Variants in DPY19L4 observed in about 807,000 individuals in gnomAD.
The protein encoded by DPY19L4 is probable C-mannosyltransferase DPY19L4.
A neutral mutation model predicts 102.8 loss-of-function variants in DPY19L4; 97 were observed. That is an observed-to-expected ratio of 0.94 (90% CI 0.80 to 1.12). The LOEUF is 1.12. Ranked by LOEUF, DPY19L4 falls within the 50% of genes most tolerant of loss-of-function variation. The probability of loss-of-function intolerance (pLI) is 0.00; values close to 1 mark genes in which losing one functional copy is unlikely to be tolerated. For synonymous variants in DPY19L4, 252 were observed against 283.1 expected, an observed-to-expected ratio of 0.89 and a Z score of 1.10; for missense variants, 815 against 850.4, an observed-to-expected ratio of 0.96 and a Z score of 0.52.
At chr8:94,745,760 AT>A (rs900155477) in intron 6 of DPY19L4, among the ~76,000 whole-genome samples, 331 of 149,428 alleles carry the variant, frequency 2.2e-3, no homozygotes, top group African/African-American at 7.5e-3. Context: ...TTTGTAATAA[AT>A]TTTTTTTTTT....
chr8:94,777,923 C>A, intron 14 of DPY19L4, 137 bp downstream of exon 14: 1 of 1,125,372 alleles, frequency 8.9e-7, no homozygotes, highest in Non-Finnish European at 1.2e-6. Context: ...AGATCCTGCG[C>A]AAAACATTTT....
intron 6 of DPY19L4, among the ~76,000 whole-genome samples, chr8:94,752,158 T>C (rs974809431): frequency 2.6e-5 from 4 of 152,170 alleles, no homozygotes; most frequent in East Asian, 1.9e-4. Context: ...TATTTTTCTA[T>C]CAAAATTGTG....
intron 11 of DPY19L4, 111 bp from the exon 12 acceptor site, chr8:94,768,284 C>T (rs1812764943): frequency 8.9e-6 from 7 of 783,564 alleles, no homozygotes; most frequent in South Asian, 3.5e-5. Context: ...TATAAGTAAA[C>T]GGGTTTAGGA....
At chr8:94,753,852 G>A (rs894398945) in intron 6 of DPY19L4, among the ~76,000 whole-genome samples, 1 of 151,986 alleles carries the variant, frequency 6.6e-6, no homozygotes, top group Non-Finnish European at 1.5e-5. Context: ...CAGCCTGGGC[G>A]ACAGAGCAAG....
intron 3 of DPY19L4, among the ~76,000 whole-genome samples, chr8:94,737,610 C>T (rs1265242422): frequency 2.0e-5 from 3 of 151,638 alleles, no homozygotes; most frequent in Admixed American, 6.6e-5. Context: ...GGTGAAACCC[C>T]GTCTCTACTA....
Position 94,734,750 on chromosome 8 carries a change from G to A in DPY19L4, c.248G>A (p.Arg83Lys). Residue 83 changes from arginine to lysine, a missense_variant, in exon 3 of 19, where the codon AGG becomes AAG. Physicochemically the swap from Arg to Lys is conservative, Grantham distance 26 (BLOSUM62 2). Transcript: ENST00000414645. ...GAACGGAAATTCTGGTTTTCCAACA[G>A]GCAGGTAAGAAGAAAGAATTTTGAG... ...YHERKFWFSN[R>K]QELEREITFQ... 6.2e-7 allele frequency: 1 copy of A among 1,613,576 alleles called. No homozygotes were observed.
At chr8:94,765,441 T>C in intron 9 of DPY19L4, 127 bp downstream of exon 9, 1 of 877,782 alleles carries the variant, frequency 1.1e-6, no homozygotes, top group Non-Finnish European at 1.7e-6. Context: ...GTTCAAGTGA[T>C]TCTCCTGCCT....
At chr8:94,763,847 T>C (rs1812510776) in intron 8 of DPY19L4, among the ~76,000 whole-genome samples, 1 of 152,122 alleles carries the variant, frequency 6.6e-6, no homozygotes, top group Non-Finnish European at 1.5e-5. Flanking sequence ...TTTTCTGTTT[T>C]TCACAGAGAT....
chr8:94,730,004 A>G (rs1810874990), intron 2 of DPY19L4, among the ~76,000 whole-genome samples: 1 of 152,118 alleles, frequency 6.6e-6, no homozygotes, highest in South Asian at 2.1e-4. Flanking sequence ...CTGCATCCAT[A>G]ATTTCAGTAG....
chr8:94,748,621 AATGATGATGATGATGACGATG>A (rs373395664), intron 6 of DPY19L4, among the ~76,000 whole-genome samples: 3,646 of 151,690 alleles, frequency 0.024, 72 homozygotes, highest in Non-Finnish European at 0.04. Flanking sequence ...CAGCAGTGAC[AATGATGATGATGATGACGATG>A]ATGATGATGA....
At chr8:94,783,527 T>TGAATG in intron 16 of DPY19L4, 143 bp from the exon 17 acceptor site, 3 of 1,197,636 alleles carry the variant, frequency 2.5e-6, no homozygotes, top group Non-Finnish European at 3.4e-6. Flanking sequence ...AATGAATCCA[T>TGAATG]GAATGAAATG....
intron 6 of DPY19L4, among the ~76,000 whole-genome samples, chr8:94,747,349 G>A (rs1292066876): frequency 1.3e-5 from 2 of 152,016 alleles, no homozygotes; most frequent in South Asian, 2.1e-4. Flanking sequence ...CACTGTGCCT[G>A]GGTGATTGTT....
rs1177283994 is a variant in DPY19L4 at position 94,790,577 on chromosome 8, TAGTA to T, written c.*671_*674del. The T allele has an allele frequency of 6.6e-6, 1 of 152,238 alleles. No homozygotes were observed. Among genetic ancestry groups the T allele is most frequent in the African/African-American group, 2.4e-5 (1 of 41,466 alleles). 9.4% of individuals were successfully genotyped at this position (152,238 alleles called of 1,614,324 possible). ...GATGTTACTGCATTTTCTAAATGAC[TAGTA>T]AGTGATTAGTTTTTTCACTTATGCC... On this transcript the variant is annotated 3_prime_UTR_variant, in exon 19 of 19. Coordinates refer to ENST00000414645, the MANE Select transcript of DPY19L4 (RefSeq NM_181787.3).
intron 3 of DPY19L4, 84 bp downstream of exon 3, chr8:94,734,838 C>G: frequency 6.4e-7 from 1 of 1,567,648 alleles, no homozygotes; most frequent in Admixed American, 1.9e-5. Flanking sequence ...CAAGTGCTGT[C>G]TTATTTATGG....
chr8:94,719,960 G>A lies in DPY19L4; in HGVS notation c.-39G>A. The A allele has an allele frequency of 6.6e-7, 1 of 1,505,798 alleles. No homozygotes were observed. Among genetic ancestry groups the A allele is most frequent in the Admixed American group, 2.2e-5 (1 of 45,488 alleles). The allele number at this position is 1,505,798 out of a possible 1,614,324, so 93.3% of individuals were successfully genotyped here. A position where few individuals can be genotyped will look rare whatever the true frequency, so the allele number is the denominator to read the frequency against. On this transcript the variant is annotated 5_prime_UTR_variant, in exon 1 of 19. Transcript: ENST00000414645. ...CGCGGAGGGAGGGAGAGTCTGGGCCGCGCGGGAGCCGCAGGGCGCCCTAGC... is the reference window on the plus strand; with the variant it reads ...CGCGGAGGGAGGGAGAGTCTGGGCCACGCGGGAGCCGCAGGGCGCCCTAGC...
At chr8:94,745,805 AG>A (rs1396056146) in intron 6 of DPY19L4, among the ~76,000 whole-genome samples, 5 of 152,096 alleles carry the variant, frequency 3.3e-5, no homozygotes, top group African/African-American at 1.2e-4. Flanking sequence ...CACAGGCTAG[AG>A]TGCAATAATG....
chr8:94,788,638 C>T (rs1221532927), intron 18 of DPY19L4, among the ~76,000 whole-genome samples: 4 of 82,180 alleles, frequency 4.9e-5, no homozygotes, highest in Non-Finnish European at 1.1e-4. Context: ...CTAAGACTGA[C>T]GCACGCGCGC....
intron 7 of DPY19L4, among the ~76,000 whole-genome samples, 191 bp downstream of exon 7, chr8:94,756,350 A>G (rs913480413): frequency 6.6e-6 from 1 of 152,246 alleles, no homozygotes; most frequent in Non-Finnish European, 1.5e-5. Context: ...ATTAACAGTA[A>G]ATTAGGAGAA....
At chr8:94,765,382 T>C in intron 9 of DPY19L4, 68 bp downstream of exon 9, 2 of 1,463,218 alleles carry the variant, frequency 1.4e-6, no homozygotes, top group Non-Finnish European at 1.9e-6. Flanking sequence ...TCTCACTCTG[T>C]TGCCCAGGCT....
Sources: gnomAD v4.1 joint callset for allele counts (sites outside exome capture counted in the v4.1 genomes callset) on GRCh38, gnomAD v4.1.1 for gene constraint, MANE v1.5 for transcripts, NCBI Gene and HGNC (gene_info 2026-07-23, HGNC 2026-07-21) for gene names.